ATP13A3: variants seen among roughly 807,000 people sequenced by gnomAD.
ATP13A3 encodes the protein ATPase 13A3.
In ATP13A3, 59 loss-of-function variants were observed where a neutral mutation model predicts 158.1. The observed-to-expected ratio is 0.37, with a 90% CI of 0.30 to 0.46. The LOEUF is 0.46. ATP13A3 is among the 20% of genes least tolerant of loss of function. The pLI is 1.00. For missense variants in ATP13A3, 1,166 were observed against 1,525.2 expected (o/e 0.76, Z 3.92); for synonymous variants, 491 against 504.3 (o/e 0.97, Z 0.35).
Position 194,437,338 on chromosome 3 carries a change from T to C in ATP13A3, c.1972A>G (p.Ile658Val). 6.2e-7 allele frequency: 1 copy of C among 1,614,208 alleles called. No homozygotes were observed. Among genetic ancestry groups the C allele is most frequent in the East Asian group, 2.2e-5 (1 of 44,878 alleles). The part of the protein sequence containing the change: ...DAYMKGAPEA[I>V]AGLCKPETVP... ...GTTTCAGGTTTACAGAGACCGGCAA[T>C]GGCCTCGGGCGCTCCTTTCATGTAG... Residue 658 changes from isoleucine to valine, a missense_variant, in exon 19 of 34, where the codon ATT (isoleucine) becomes GTT (valine). Physicochemically the swap from Ile to Val is conservative, Grantham distance 29. Coordinates refer to ENST00000645319, the MANE Select transcript of ATP13A3 (RefSeq NM_001367549.1).
At chr3:194,444,638 G>T in intron 15 of ATP13A3, 87 bp downstream of exon 15, 2 of 1,159,166 alleles carry the variant, frequency 1.7e-6, no homozygotes, top group Non-Finnish European at 2.4e-6. Flanking sequence ...GTACACAGTT[G>T]TCTATTACTT....
chr3:194,429,221 G>A (rs1018556662), intron 27 of ATP13A3, among the ~76,000 whole-genome samples: 4 of 152,086 alleles, frequency 2.6e-5, no homozygotes, highest in African/African-American at 7.2e-5. Flanking sequence ...TAGGTCAAGA[G>A]ATCGAGACCA....
intron 32 of ATP13A3, 125 bp from the exon 33 acceptor site, chr3:194,412,413 G>T: frequency 1.4e-6 from 1 of 717,334 alleles, no homozygotes; most frequent in Non-Finnish European, 2.4e-6. Flanking sequence ...TTTCATATAT[G>T]GAATTTCAGT....
chr3:194,444,452 T>C lies in ATP13A3; in HGVS notation c.1559+273A>G, dbSNP rs35881561. 6.4e-3 allele frequency among the ~76,000 whole-genome samples: 972 copies of C among 152,316 alleles called. 5 individuals are homozygous for C. Among genetic ancestry groups the C allele is most frequent in the South Asian group, 0.011 (51 of 4,820 alleles). On this transcript the variant is annotated intron_variant, in intron 15 of 33. Transcript: ENST00000645319. Reference sequence around the variant, plus strand: ...ACAGTATATCATTCATGGATACTTATTTATAGATTTATACTTAGAAAAAAT... The same window carrying C: ...ACAGTATATCATTCATGGATACTTACTTATAGATTTATACTTAGAAAAAAT...
rs1041379016 is a variant in ATP13A3, at chr3:194,448,692, C to T, written c.971-56G>A. 1.9e-6 allele frequency: 3 copies of T among 1,544,848 alleles called. No homozygotes were observed. Among genetic ancestry groups the T allele is most frequent in the Admixed American group, 1.9e-5 (1 of 52,040 alleles). The stretch of plus-strand genomic sequence containing the variant: ...GTTTACAAATTATTAAACGAAAGCA[C>T]AGGAATCAGTATCGAACACCAAAAA... On this transcript the variant is annotated intron_variant, in intron 11 of 33. Transcript: ENST00000645319. This position sits in a 1 kb window ranked among gnomAD's most constrained non-coding sequence, Gnocchi z 4.0.
intron 2 of ATP13A3, among the ~76,000 whole-genome samples, chr3:194,481,047 G>A (rs974925687): frequency 1.3e-5 from 2 of 152,116 alleles, no homozygotes; most frequent in South Asian, 2.1e-4. Flanking sequence ...CTTTTTCCAA[G>A]GGTAATTTTG....
chr3:194,444,288 TAGA>T (rs1233438635), intron 15 of ATP13A3, among the ~76,000 whole-genome samples: 2 of 152,158 alleles, frequency 1.3e-5, no homozygotes, highest in East Asian at 1.9e-4. Context: ...TGTCCCTTAG[TAGA>T]AGAACAGACA....
At position 194,431,193 on chromosome 3, in the gene ATP13A3, C is replaced by G. The variant is rs1298526392; in HGVS notation, c.2455G>C (p.Glu819Gln). 5 of 1,613,732 alleles carry G rather than the reference C, an allele frequency of 3.1e-6. No individual in the cohort carries two copies. The highest frequency in any genetic ancestry group is 4.2e-6 in the Non-Finnish European group (5 of 1,179,678). The change falls in exon 23 of 34, where the codon GAG becomes CAG. Residue 819 changes from glutamate (E) to glutamine (Q), a missense_variant. Physicochemically the swap from Glu to Gln is conservative, Grantham distance 29 (BLOSUM62 2). This residue lies in a region of ATP13A3 where 997 missense variants were observed against 1,341.2 expected (regional missense o/e 0.74). Coordinates refer to ENST00000645319, the MANE Select transcript of ATP13A3 (RefSeq NM_001367549.1). ...TGATAACGAGTCATTTGAAGATCCT[C>G]TAAGCTATCATGGACCAATTTAACC... ...IPVKLVHDSL[E>Q]DLQMTRYHFA...
chr3:194,411,972 T>C (rs1234609054), intron 33 of ATP13A3, among the ~76,000 whole-genome samples: 2 of 152,194 alleles, frequency 1.3e-5, no homozygotes, highest in Non-Finnish European at 2.9e-5. Flanking sequence ...TTATGAAATT[T>C]CTGATCTTGA....
intron 7 of ATP13A3, 150 bp downstream of exon 7, chr3:194,456,944 C>G: frequency 2.1e-6 from 1 of 469,150 alleles, no homozygotes; most frequent in South Asian, 4.7e-5. Flanking sequence ...ACAGTCTTAC[C>G]CAAATAAAAC....
chr3:194,425,166 A>C (rs1260993158), intron 30 of ATP13A3, among the ~76,000 whole-genome samples, 176 bp downstream of exon 30: 1 of 152,240 alleles, frequency 6.6e-6, no homozygotes, highest in Non-Finnish European at 1.5e-5. Flanking sequence ...TGAACTTTAA[A>C]CTTAGGGTGG....
chr3:194,484,500 G>A (rs6771213), intron 2 of ATP13A3, among the ~76,000 whole-genome samples: 21,500 of 152,018 alleles, frequency 0.14, 2,740 homozygotes, highest in African/African-American at 0.34. Flanking sequence ...ATATTACTAT[G>A]GATATACAAC....
rs949497912 is a variant in ATP13A3 at position 194,433,643 on chromosome 3, A to G, written c.2245+129T>C. On this transcript the variant is annotated intron_variant, in intron 21 of 33. Coordinates refer to ENST00000645319, the MANE Select transcript of ATP13A3 (RefSeq NM_001367549.1). ...TGCGCTTGGGAAAATATTCAGAGCT[A>G]AAAGAGAACTTAGGTTGAAACCACT... 1.0e-5 allele frequency: 12 copies of G among 1,184,220 alleles called. No individual in the cohort carries two copies. The East Asian group carries it at 2.7e-4, about 26-fold the overall frequency. The allele number at this position is 1,184,220 out of a possible 1,614,324, so 73.4% of individuals were successfully genotyped here.
In ATP13A3 at chr3:194,430,139, C is replaced by G; in HGVS notation, c.2710G>C (p.Glu904Gln). The G allele has an allele frequency of 6.2e-7, 1 of 1,614,112 alleles. No individual in the cohort carries two copies. Among genetic ancestry groups the G allele is most frequent in the Non-Finnish European group, 8.5e-7 (1 of 1,180,014 alleles). ...AHGGISLSEL[E>Q]ASVASPFTSK... Reference sequence around the variant, plus strand: ...GTAAAGGGAGATGCCACTGAAGCTTCGAGCTCCGATAAGGAAATGCCTCCG... The same window carrying G: ...GTAAAGGGAGATGCCACTGAAGCTTGGAGCTCCGATAAGGAAATGCCTCCG... The change falls in exon 26 of 34, where the codon GAA becomes CAA. Residue 904 changes from glutamate (E) to glutamine (Q), a missense_variant. By Grantham distance (29) the Glu-to-Gln change is conservative (BLOSUM62 2). Around this residue, in one of 3 missense-constraint regions of ATP13A3, gnomAD observed 997 missense variants for 1,341.2 expected, o/e 0.74. Coordinates refer to ENST00000645319, the MANE Select transcript of ATP13A3 (RefSeq NM_001367549.1).
At chr3:194,406,658 CA>C (rs1714957907) in intron 33 of ATP13A3, among the ~76,000 whole-genome samples, 1 of 152,100 alleles carries the variant, frequency 6.6e-6, no homozygotes, top group Admixed American at 6.5e-5. Context: ...CATTCTGTCC[CA>C]AACTATCTTT....
intron 2 of ATP13A3, among the ~76,000 whole-genome samples, chr3:194,483,581 C>A (rs544577106): frequency 7.8e-6 from 1 of 127,914 alleles, no homozygotes; most frequent in African/African-American, 4.4e-5. Flanking sequence ...CAGAGCAAGA[C>A]CCTATCTCAA....
At chr3:194,482,580 A>C (rs1336737531) in intron 2 of ATP13A3, among the ~76,000 whole-genome samples, 1 of 152,158 alleles carries the variant, frequency 6.6e-6, no homozygotes, top group Non-Finnish European at 1.5e-5. Flanking sequence ...AGCCTCTCTT[A>C]CTTCTCTACT....
In ATP13A3 at chr3:194,415,698, C is replaced by CT. The variant is rs572172844; in HGVS notation, c.3403-1860dup. Among the ~76,000 whole-genome samples, 10 of 109,276 alleles carry CT rather than the reference C, an allele frequency of 9.2e-5. No homozygotes were observed. The South Asian group carries it at 3.2e-3, about 35-fold the overall frequency. 71.7% of individuals were successfully genotyped at this position (109,276 alleles called of 152,430 possible). Reference sequence around the variant, plus strand: ...TTTTTTTTTTTTTTTGAGACGGAGTCTCGCCCTGTCGCCCAGCCTGGAGTG... The same window carrying CT: ...TTTTTTTTTTTTTTTGAGACGGAGTCTTCGCCCTGTCGCCCAGCCTGGAGTG... On this transcript the variant is annotated intron_variant, in intron 31 of 33. Transcript: ENST00000645319.
upstream of ATP13A3, among the ~76,000 whole-genome samples, chr3:194,489,782 GA>G (rs1323697625): frequency 1.3e-5 from 2 of 152,218 alleles, no homozygotes; most frequent in South Asian, 4.1e-4. This position sits in a 1 kb window ranked among gnomAD's most constrained non-coding sequence, Gnocchi z 4.1. Context: ...GTGAAAAAAG[GA>G]ATTTGGACAC....
Sources: allele counts gnomAD v4.1 joint callset (sites outside exome capture counted in the v4.1 genomes callset), GRCh38; gene constraint gnomAD v4.1.1; regional missense constraint gnomAD v4.1.1; non-coding constraint Gnocchi (gnomAD v3.1); transcripts MANE v1.5; gene names NCBI Gene and HGNC (gene_info 2026-07-23, HGNC 2026-07-21).